Variants in CUX1 observed in about 807,000 individuals in gnomAD.
CUX1 encodes the protein cut like homeobox 1.
CUX1 carries 31 observed loss-of-function variants against 158.8 expected under a neutral mutation model. The observed-to-expected ratio is 0.20, with a 90% CI of 0.15 to 0.26. The LOEUF (loss-of-function observed/expected upper bound fraction) is 0.26. CUX1 is among the 10% of genes least tolerant of loss of function. The pLI, the probability that CUX1 is intolerant of heterozygous loss-of-function variation, is 1.00. For missense variants in CUX1, 1,589 were observed against 2,014.6 expected (o/e 0.79, Z 4.04); for synonymous variants, 879 against 862.1 (o/e 1.02, Z -0.34).
intron 5 of CUX1, among the ~76,000 whole-genome samples, chr7:102,103,677 C>T (rs1407180748): frequency 4.6e-5 from 7 of 152,024 alleles, no homozygotes; most frequent in African/African-American, 1.7e-4. Context: ...TCAAGGGATC[C>T]TCTCACGTTG....
At position 102,255,890 on chromosome 7, in the gene CUX1, G is replaced by A; in HGVS notation, c.*6848G>A. 1.0e-6 allele frequency: 1 copy of A among 985,116 alleles called. No individual in the cohort carries two copies. Among genetic ancestry groups the A allele is most frequent in the Non-Finnish European group, 1.2e-6 (1 of 829,828 alleles). 61.0% of individuals were successfully genotyped at this position (985,116 alleles called of 1,614,324 possible). A position where few individuals can be genotyped will look rare whatever the true frequency, so the allele number is the denominator to read the frequency against. The stretch of plus-strand genomic sequence containing the variant: ...GGAAAGCACTTAAATAGATGACTAT[G>A]TGTAAAAGCTCTGTGCAATTGAAAT... On this transcript the variant is annotated 3_prime_UTR_variant, in exon 24 of 24. Coordinates refer to ENST00000292535, the MANE Select transcript of CUX1 (RefSeq NM_181552.4).
At chr7:102,280,689 G>T (rs1554549012) in intron 19 of CUX1, 2 of 1,029,698 alleles carry the variant, frequency 1.9e-6, no homozygotes, top group African/African-American at 1.6e-5. Context: ...CCCCCTGGGG[G>T]TCTGCAAGAA....
chr7:101,876,909 C>T (rs1209377632), intron 1 of CUX1, among the ~76,000 whole-genome samples: 2 of 130,288 alleles, frequency 1.5e-5, no homozygotes, highest in East Asian at 4.9e-4. Context: ...CCACCGCACC[C>T]GGCCTCTGAT....
At chr7:101,920,246 C>T (rs1456539083) in intron 2 of CUX1, among the ~76,000 whole-genome samples, 6 of 152,090 alleles carry the variant, frequency 3.9e-5, no homozygotes, top group African/African-American at 9.6e-5. Context: ...CTCAGCCTCC[C>T]GAGTAGCTGG....
At chr7:101,882,450 G>T (rs1799814200) in intron 1 of CUX1, among the ~76,000 whole-genome samples, 2 of 151,992 alleles carry the variant, frequency 1.3e-5, no homozygotes, top group African/African-American at 4.8e-5. Context: ...TTGTGATGAC[G>T]ATCAGCTACT....
chr7:102,200,403 C>A (rs1554519321), intron 17 of CUX1, among the ~76,000 whole-genome samples: 1 of 152,084 alleles, frequency 6.6e-6, no homozygotes. Context: ...AGTGCAGTGG[C>A]ACGATCTCAG....
At chr7:102,273,635 T>A in intron 15 of CUX1, 1 of 1,071,338 alleles carries the variant, frequency 9.3e-7, no homozygotes, top group Non-Finnish European at 1.3e-6. Flanking sequence ...ACCATTGGGT[T>A]CTCCCTGCTT....
rs577735692 is a variant in CUX1 at position 102,070,135 on chromosome 7, C to T, written c.190-204C>T. Among the ~76,000 whole-genome samples, 361 of 152,318 alleles carry T rather than the reference C, an allele frequency of 2.4e-3. 3 individuals are homozygous for T. Among genetic ancestry groups the T allele is most frequent in the African/African-American group, 8.4e-3 (349 of 41,578 alleles). ...CTGCTGTATAGTGAATGGCTCCATA[C>T]TCCCAAATCTCTGCTCCTCCCTTGT... On this transcript the variant is annotated intron_variant, in intron 3 of 23. Transcript: ENST00000292535.
At chr7:101,966,251 AGGT>A (rs886720254) in intron 2 of CUX1, among the ~76,000 whole-genome samples, 1 of 148,932 alleles carries the variant, frequency 6.7e-6, no homozygotes, top group Non-Finnish European at 1.5e-5. Flanking sequence ...TTTTTTGTAG[AGGT>A]GGTGTTTCAG....
chr7:101,996,345 A>T (rs1206884604), intron 2 of CUX1, among the ~76,000 whole-genome samples: 1 of 151,914 alleles, frequency 6.6e-6, no homozygotes, highest in Admixed American at 6.6e-5. Context: ...CCGTCTCTTG[A>T]GCTCAGCTGG....
chr7:101,866,149 A>G (rs957772659), intron 1 of CUX1, among the ~76,000 whole-genome samples: 1 of 151,192 alleles, frequency 6.6e-6, no homozygotes, highest in African/African-American at 2.4e-5. Context: ...ACATAGTGAG[A>G]CCCCAATCTC....
chr7:102,253,093 A>G lies in CUX1; in HGVS notation c.*4051A>G. 1.0e-6 allele frequency: 1 copy of G among 985,502 alleles called. No individual in the cohort carries two copies. Among genetic ancestry groups the G allele is most frequent in the Non-Finnish European group, 1.2e-6 (1 of 829,968 alleles). 61.0% of individuals were successfully genotyped at this position (985,502 alleles called of 1,614,324 possible). On this transcript the variant is annotated 3_prime_UTR_variant, in exon 24 of 24. Coordinates refer to ENST00000292535, the MANE Select transcript of CUX1 (RefSeq NM_181552.4). ...TAGATCCCTTGTACCTCCAAAGTAC[A>G]AATACCTCCCTGCTCAGTTTCCTTC...
Position 102,250,868 on chromosome 7 carries a change from T to C in CUX1, c.*1826T>C. 1.0e-6 allele frequency: 1 copy of C among 985,464 alleles called. No individual in the cohort carries two copies. Among genetic ancestry groups the C allele is most frequent in the Non-Finnish European group, 1.2e-6 (1 of 829,942 alleles). The allele number at this position is 985,464 out of a possible 1,614,324, so 61.0% of individuals were successfully genotyped here. ...CGTAGAGTGCATTACTGCCACCTTTTTCAATAAGCTGTTTTATCAGTTACG... is the reference window on the plus strand; with the variant it reads ...CGTAGAGTGCATTACTGCCACCTTTCTCAATAAGCTGTTTTATCAGTTACG... On this transcript the variant is annotated 3_prime_UTR_variant, in exon 24 of 24. Coordinates refer to ENST00000292535, the MANE Select transcript of CUX1 (RefSeq NM_181552.4).
At chr7:102,021,625 T>C (rs1202461685) in intron 2 of CUX1, among the ~76,000 whole-genome samples, 5 of 147,262 alleles carry the variant, frequency 3.4e-5, no homozygotes, top group Non-Finnish European at 6.0e-5. Context: ...TTTTTTTTTT[T>C]TTTTTTTTTT....
chr7:101,937,551 C>T (rs187479104), intron 2 of CUX1, among the ~76,000 whole-genome samples: 2 of 151,834 alleles, frequency 1.3e-5, no homozygotes, highest in East Asian at 3.9e-4. Context: ...CGCTCTGTCT[C>T]CCAGGCTGCA....
chr7:102,026,782 T>A (rs2129330799), intron 2 of CUX1, among the ~76,000 whole-genome samples: 1 of 132,702 alleles, frequency 7.5e-6, no homozygotes, highest in South Asian at 2.4e-4. Flanking sequence ...ATCTCGCCAC[T>A]GCACTCCAGC....
chr7:102,037,150 G>A (rs905065824), intron 3 of CUX1, among the ~76,000 whole-genome samples: 8 of 152,242 alleles, frequency 5.3e-5, no homozygotes, highest in African/African-American at 1.4e-4. Context: ...TGTTGATCGC[G>A]TGCCACTGCA....
chr7:102,146,269 G>A (rs1835011286), intron 8 of CUX1, among the ~76,000 whole-genome samples: 1 of 152,172 alleles, frequency 6.6e-6, no homozygotes, highest in African/African-American at 2.4e-5. Context: ...GCTGTCCCAT[G>A]TTCCCTGCCT....
Position 101,841,285 on chromosome 7 carries a change from C to T in CUX1, c.30+23616C>T, listed in dbSNP as rs528963835. On this transcript the variant is annotated intron_variant, in intron 1 of 23. Transcript: ENST00000292535. ...TTTTAAAACTTAACTGTTCTGTGAT[C>T]ATAGTATTTTTTTTTTGTAAATCTG... 2.0e-5 allele frequency among the ~76,000 whole-genome samples: 3 copies of T among 152,040 alleles called. No individual in the cohort carries two copies. The South Asian group carries it at 6.2e-4, about 31-fold the overall frequency.
Sources: gnomAD v4.1 joint callset for allele counts (sites outside exome capture counted in the v4.1 genomes callset) on GRCh38, gnomAD v4.1.1 for gene constraint, MANE v1.5 for transcripts, NCBI Gene and HGNC (gene_info 2026-07-23, HGNC 2026-07-21) for gene names.